CTNND2: variants seen among roughly 807,000 people sequenced by gnomAD.
CTNND2 encodes the protein catenin delta 2, also known as catenin delta-2.
In CTNND2, 22 loss-of-function variants were observed where a neutral mutation model predicts 144.4. The ratio of observed to expected loss-of-function variants is 0.15; its 90% CI spans 0.11 to 0.22. CTNND2 has a LOEUF of 0.22. Ranked by LOEUF, CTNND2 falls within the 10% of genes least tolerant of loss-of-function variation. The pLI is 1.00. For synonymous variants in CTNND2, 751 were observed against 695.6 expected, an observed-to-expected ratio of 1.08 and a Z score of -1.25; for missense variants, 1,353 against 1,618.8, an observed-to-expected ratio of 0.84 and a Z score of 2.82.
intron 1 of CTNND2, among the ~76,000 whole-genome samples, chr5:11,825,664 T>A (rs980149403): frequency 6.6e-6 from 1 of 152,094 alleles, no homozygotes. Flanking sequence ...TTTATCATTA[T>A]TAATAATATT....
intron 9 of CTNND2, among the ~76,000 whole-genome samples, chr5:11,306,584 CAA>C (rs1055315741): frequency 1.3e-5 from 2 of 152,132 alleles, no homozygotes; most frequent in African/African-American, 4.8e-5. Flanking sequence ...GCCTTGGAAA[CAA>C]AAAGACTTTT....
At chr5:11,634,817 G>GA (rs1781596267) in intron 2 of CTNND2, among the ~76,000 whole-genome samples, 1 of 152,074 alleles carries the variant, frequency 6.6e-6, no homozygotes, top group East Asian at 1.9e-4. Context: ...AATCTAGAGT[G>GA]AAAAACCATT....
At chr5:11,288,819 C>A (rs1748011570) in intron 9 of CTNND2, among the ~76,000 whole-genome samples, 6 of 145,946 alleles carry the variant, frequency 4.1e-5, no homozygotes, top group Non-Finnish European at 6.0e-5. Context: ...AAAAAGAAAA[C>A]CAAAAAAGAA....
chr5:11,846,824 G>A (rs1388213637), intron 1 of CTNND2, among the ~76,000 whole-genome samples: 2 of 151,706 alleles, frequency 1.3e-5, no homozygotes, highest in Admixed American at 6.6e-5. Flanking sequence ...TATGAAAATG[G>A]TTAATAGACA....
At chr5:11,874,840 C>T (rs1290948405) in intron 1 of CTNND2, among the ~76,000 whole-genome samples, 6 of 152,170 alleles carry the variant, frequency 3.9e-5, no homozygotes, top group Non-Finnish European at 8.8e-5. Flanking sequence ...ACCACAATCC[C>T]TTACCCAGAT....
intron 9 of CTNND2, among the ~76,000 whole-genome samples, chr5:11,270,300 T>C (rs1026940786): frequency 3.3e-5 from 5 of 152,086 alleles, no homozygotes; most frequent in African/African-American, 7.2e-5. Flanking sequence ...TATAGTTATA[T>C]AGTTTATATA....
chr5:11,633,006 C>G (rs1166221152), intron 2 of CTNND2, among the ~76,000 whole-genome samples: 8 of 152,076 alleles, frequency 5.3e-5, no homozygotes, highest in Non-Finnish European at 1.2e-4. Context: ...GTGCAGGACA[C>G]TATTTGGCAC....
intron 2 of CTNND2, among the ~76,000 whole-genome samples, chr5:11,652,697 A>G (rs1017062035): frequency 2.4e-4 from 37 of 152,342 alleles, no homozygotes; most frequent in Admixed American, 9.1e-4. Flanking sequence ...AAGCTAATTA[A>G]CATATCCATT....
At chr5:11,329,853 T>C (rs533758379) in intron 9 of CTNND2, among the ~76,000 whole-genome samples, 1 of 152,350 alleles carries the variant, frequency 6.6e-6, no homozygotes, top group South Asian at 2.1e-4. Context: ...CACCGTGATC[T>C]GTTTTTCAAT....
intron 10 of CTNND2, among the ~76,000 whole-genome samples, chr5:11,208,778 C>A (rs369520906): frequency 1.7e-4 from 26 of 152,052 alleles, no homozygotes; most frequent in African/African-American, 5.6e-4. Flanking sequence ...TGAAAAGGAC[C>A]GATGCACACA....
intron 19 of CTNND2, among the ~76,000 whole-genome samples, chr5:10,992,093 T>C (rs1021119606): frequency 3.9e-5 from 6 of 152,186 alleles, no homozygotes; most frequent in African/African-American, 1.4e-4. Context: ...AATTTTTGTA[T>C]TTTTACTAGA....
At chr5:11,506,952 C>G (rs941464726) in intron 3 of CTNND2, among the ~76,000 whole-genome samples, 3 of 152,182 alleles carry the variant, frequency 2.0e-5, no homozygotes, top group Admixed American at 1.3e-4. Flanking sequence ...TTTTCTACTT[C>G]CCCCTCAACC....
intron 16 of CTNND2, among the ~76,000 whole-genome samples, chr5:11,029,794 T>C (rs2149549370): frequency 6.6e-6 from 1 of 152,364 alleles, no homozygotes; most frequent in South Asian, 2.1e-4. Flanking sequence ...AGTAGCATTA[T>C]AAACCATTGT....
chr5:11,771,192 C>CTTTTTTTTTTTTTTTTT (rs34686102), intron 1 of CTNND2, among the ~76,000 whole-genome samples: 2 of 103,764 alleles, frequency 1.9e-5, no homozygotes, highest in Non-Finnish European at 3.6e-5. Flanking sequence ...ACATTGTTAG[C>CTTTTTTTTTTTTTTTTT]TTTTTTTTTT....
chr5:11,787,889 A>G (rs1205637459), intron 1 of CTNND2, among the ~76,000 whole-genome samples: 5 of 152,254 alleles, frequency 3.3e-5, no homozygotes, highest in Admixed American at 2.6e-4. Context: ...GTGCAAATAA[A>G]TGAATATGAA....
intron 2 of CTNND2, among the ~76,000 whole-genome samples, chr5:11,586,162 A>G (rs1247826392): frequency 1.3e-5 from 2 of 152,124 alleles, no homozygotes; most frequent in Non-Finnish European, 2.9e-5. Context: ...TTTGTGTGTC[A>G]CTTAATATTT....
At chr5:11,537,782 A>G (rs547161176) in intron 3 of CTNND2, among the ~76,000 whole-genome samples, 102 of 152,228 alleles carry the variant, frequency 6.7e-4, no homozygotes, top group Non-Finnish European at 1.3e-3. Context: ...TGATAAACGT[A>G]TCTTAGCATC....
chr5:11,856,671 G>T (rs1795266774), intron 1 of CTNND2, among the ~76,000 whole-genome samples: 1 of 152,064 alleles, frequency 6.6e-6, no homozygotes, highest in African/African-American at 2.4e-5. Context: ...AGCACCCCAG[G>T]TTTAAAACTA....
At chr5:11,411,366 G>A (rs1003367106) in intron 5 of CTNND2, among the ~76,000 whole-genome samples, 170 bp downstream of exon 5, 3 of 152,098 alleles carry the variant, frequency 2.0e-5, no homozygotes, top group Non-Finnish European at 4.4e-5. Flanking sequence ...GAACTGAGGT[G>A]GGATAATGTG....
Sources: allele counts gnomAD v4.1 joint callset (sites outside exome capture counted in the v4.1 genomes callset), GRCh38; gene constraint gnomAD v4.1.1; transcripts MANE v1.5; gene names NCBI Gene and HGNC (gene_info 2026-07-23, HGNC 2026-07-21).